Variants in NAV3 observed in about 807,000 individuals in gnomAD.
NAV3 encodes the protein neuron navigator 3, also known as pore membrane and/or filament interacting like protein 1.
Under a neutral mutation model 244.7 loss-of-function variants are expected in NAV3, and 87 were observed. The ratio of observed to expected loss-of-function variants is 0.36; its 90% CI spans 0.30 to 0.42. The LOEUF (loss-of-function observed/expected upper bound fraction) is 0.42. Among genes scored for constraint, NAV3 ranks in the 20% least tolerant of loss-of-function variants. The pLI is 1.00. For missense variants in NAV3, 2,663 were observed against 2,893.3 expected, an observed-to-expected ratio of 0.92 and a Z score of 1.83; for synonymous variants, 1,126 against 1,042.2, an observed-to-expected ratio of 1.08 and a Z score of -1.55.
At chr12:77,970,072 A>G (rs1892870071) in intron 5 of NAV3, among the ~76,000 whole-genome samples, 1 of 152,202 alleles carries the variant, frequency 6.6e-6, no homozygotes, top group African/African-American at 2.4e-5. Flanking sequence ...ACTTTCATAC[A>G]AGCTACTATA....
intron 12 of NAV3, among the ~76,000 whole-genome samples, chr12:78,115,219 G>A (rs1055066730): frequency 5.3e-5 from 8 of 152,142 alleles, no homozygotes; most frequent in African/African-American, 1.9e-4. Context: ...TCCATTTTAT[G>A]AGACTTAGCT....
At chr12:78,039,726 T>C (rs1343438821) in intron 9 of NAV3, among the ~76,000 whole-genome samples, 2 of 152,172 alleles carry the variant, frequency 1.3e-5, no homozygotes, top group African/African-American at 4.8e-5. Flanking sequence ...TTAAATGGTC[T>C]GTCTGCCACC....
At chr12:78,045,981 A>C (rs1426775675) in intron 9 of NAV3, among the ~76,000 whole-genome samples, 1 of 152,116 alleles carries the variant, frequency 6.6e-6, no homozygotes, top group Non-Finnish European at 1.5e-5. Flanking sequence ...GTGTCCAGGA[A>C]TTTATCCATT....
chr12:77,747,243 AGT>A (rs1002896198), intron 2 of NAV3, among the ~76,000 whole-genome samples: 3 of 152,142 alleles, frequency 2.0e-5, no homozygotes, highest in African/African-American at 7.2e-5. Context: ...TCTTTTGAGA[AGT>A]GTCTGTTCAT....
intron 20 of NAV3, among the ~76,000 whole-genome samples, chr12:78,144,853 T>G (rs1956786377): frequency 7.7e-6 from 1 of 129,726 alleles, no homozygotes; most frequent in African/African-American, 3.0e-5. Context: ...CCGGGCACGG[T>G]GGGCTACAGT....
At chr12:77,926,493 TA>T (rs1020652838) in intron 1 of NAV3, among the ~76,000 whole-genome samples, 7 of 152,128 alleles carry the variant, frequency 4.6e-5, no homozygotes, top group African/African-American at 1.7e-4. Flanking sequence ...GATAGATACA[TA>T]GATAGATATA....
chr12:78,122,483 C>A (rs2138711140), intron 16 of NAV3, 55 bp downstream of exon 16: 1 of 1,505,706 alleles, frequency 6.6e-7, no homozygotes. Flanking sequence ...TGCACTATGC[C>A]TAACCCCCAC....
At chr12:77,903,181 G>T (rs368814415) in intron 1 of NAV3, among the ~76,000 whole-genome samples, 1 of 152,044 alleles carries the variant, frequency 6.6e-6, no homozygotes, top group Non-Finnish European at 1.5e-5. Context: ...AGCCCGCATC[G>T]CCAAGACAAT....
At chr12:77,798,817 G>T (rs2135964179) in intron 2 of NAV3, among the ~76,000 whole-genome samples, 1 of 152,152 alleles carries the variant, frequency 6.6e-6, no homozygotes, top group South Asian at 2.1e-4. Context: ...ACCAATGAAG[G>T]CATTAATAAA....
chr12:78,007,352 G>T lies in NAV3; in HGVS notation c.1814G>T (p.Ser605Ile). ...TGTACCATGACAGTGGCACAAAGCA[G>T]TGGGCAGAGCACAGGAAATGGTGCT... ...GSCTMTVAQS[S>I]GQSTGNGAVQ... The change falls in exon 8 of 40, where the codon AGT (serine) becomes ATT (isoleucine). Residue 605 changes from serine to isoleucine, a missense_variant. Physicochemically the swap from Ser to Ile is moderately radical, Grantham distance 142 (BLOSUM62 -2). This residue lies in a region of NAV3 where 1,521 missense variants were observed against 1,497.0 expected (regional missense o/e 1.02). Transcript: ENST00000397909. 6.2e-7 allele frequency: 1 copy of T among 1,614,200 alleles called. No homozygotes were observed. The highest frequency in any genetic ancestry group is 8.5e-7 in the Non-Finnish European group (1 of 1,180,034).
intron 12 of NAV3, among the ~76,000 whole-genome samples, chr12:78,112,801 C>A (rs1415397202): frequency 6.6e-6 from 1 of 152,138 alleles, no homozygotes; most frequent in East Asian, 1.9e-4. Context: ...CCAACAGTCC[C>A]CCCAAAGTCT....
chr12:77,802,949 G>T (rs1269326729), intron 2 of NAV3, among the ~76,000 whole-genome samples: 2 of 152,182 alleles, frequency 1.3e-5, no homozygotes, highest in Non-Finnish European at 2.9e-5. Context: ...TTACAGGTGT[G>T]AGCCACCACA....
rs1593975821 is a variant in NAV3 at position 78,189,171 on chromosome 12, C to A, written c.6055+394C>A. On this transcript the variant is annotated intron_variant, in intron 33 of 39. Transcript: ENST00000397909. ...TAAAATGTGTATGCCTAATAAATACCCCCCAGGAAGAGGGAATAGAAGTTA... is the reference window on the plus strand; with the variant it reads ...TAAAATGTGTATGCCTAATAAATACACCCCAGGAAGAGGGAATAGAAGTTA... Among the ~76,000 whole-genome samples, 3 of 151,600 alleles carry A rather than the reference C, an allele frequency of 2.0e-5. No homozygotes were observed. In the South Asian group the frequency reaches 6.2e-4, roughly 32 times the overall value.
chr12:77,820,020 C>G (rs1403143305), intron 2 of NAV3, among the ~76,000 whole-genome samples: 3 of 151,830 alleles, frequency 2.0e-5, no homozygotes, highest in Admixed American at 6.6e-5. Flanking sequence ...TAACATTCTT[C>G]TAAGAAAAAT....
intron 22 of NAV3, among the ~76,000 whole-genome samples, chr12:78,151,240 A>T (rs1475916236): frequency 6.6e-6 from 1 of 152,060 alleles, no homozygotes; most frequent in East Asian, 1.9e-4. Context: ...CGCTGATGGG[A>T]GACTGATATA....
At chr12:78,058,921 CGTTT>C (rs1483931429) in intron 11 of NAV3, 71 bp from the exon 12 acceptor site, 16 of 1,318,608 alleles carry the variant, frequency 1.2e-5, no homozygotes, top group African/African-American at 1.5e-5. Context: ...TTGTGGACAC[CGTTT>C]GTTTATTAAG....
rs35360446 is a variant in NAV3, at chr12:77,930,439, CT to C, written c.244-9870del. Among the ~76,000 whole-genome samples the C allele has an allele frequency of 2.3e-3, 344 of 149,200 alleles. 3 individuals are homozygous for C. Among genetic ancestry groups the C allele is most frequent in the African/African-American group, 7.8e-3 (316 of 40,650 alleles). On this transcript the variant is annotated intron_variant, in intron 1 of 39. Transcript: ENST00000397909. ...ATGTTGACTTTATGGCTACATTTAC[CT>C]TTTTTTTTTAACAGTTTCCAACAGA...
intron 39 of NAV3, among the ~76,000 whole-genome samples, chr12:78,208,699 T>C (rs557343905): frequency 6.6e-6 from 1 of 152,318 alleles, no homozygotes; most frequent in African/African-American, 2.4e-5. Flanking sequence ...AACAATACTA[T>C]TACACAGTGA....
intron 16 of NAV3, among the ~76,000 whole-genome samples, chr12:78,126,838 G>A (rs1955929824): frequency 6.6e-6 from 1 of 152,158 alleles, no homozygotes; most frequent in East Asian, 1.9e-4. Context: ...CATAGCAAAA[G>A]TCTAATCAGT....
Sources: allele counts gnomAD v4.1 joint callset (sites outside exome capture counted in the v4.1 genomes callset), GRCh38; gene constraint gnomAD v4.1.1; regional missense constraint gnomAD v4.1.1; transcripts MANE v1.5; gene names NCBI Gene and HGNC (gene_info 2026-07-23, HGNC 2026-07-21).